KCMF1: variants seen among roughly 807,000 people sequenced by gnomAD.
KCMF1 encodes the protein potassium channel modulatory factor 1.
A neutral mutation model predicts 41.1 loss-of-function variants in KCMF1; 3 were observed. The ratio of observed to expected loss-of-function variants is 0.07; its 90% CI spans 0.03 to 0.19. KCMF1 has a LOEUF of 0.19. Among genes scored for constraint, KCMF1 ranks in the 10% least tolerant of loss-of-function variants. The pLI, the probability that KCMF1 is intolerant of heterozygous loss-of-function variation, is 1.00. For synonymous variants in KCMF1, 142 were observed against 164.5 expected (o/e 0.86, Z 1.04); for missense variants, 286 against 488.9 (o/e 0.58, Z 3.91).
intron 3 of KCMF1, among the ~76,000 whole-genome samples, chr2:85,039,597 G>T (rs1675476727): frequency 6.6e-6 from 1 of 152,056 alleles, no homozygotes; most frequent in South Asian, 2.1e-4. Context: ...CTGGTTGCTG[G>T]CTGGTAGTCA....
intron 1 of KCMF1, among the ~76,000 whole-genome samples, chr2:84,996,489 G>A (rs1674179145): frequency 7.2e-6 from 1 of 139,656 alleles, no homozygotes; most frequent in Non-Finnish European, 1.5e-5. Context: ...AGGCTGGAGT[G>A]CAGTGGTGCA....
At chr2:85,003,730 C>T (rs755215789) in intron 1 of KCMF1, among the ~76,000 whole-genome samples, 1 of 152,060 alleles carries the variant, frequency 6.6e-6, no homozygotes, top group Admixed American at 6.6e-5. Context: ...AGCTACCACA[C>T]CTGGCCTACT....
chr2:85,038,057 A>G (rs1439159441), intron 3 of KCMF1, among the ~76,000 whole-genome samples: 1 of 152,246 alleles, frequency 6.6e-6, no homozygotes, highest in East Asian at 1.9e-4. Flanking sequence ...ATTTTTGTAC[A>G]AGAACCATGT....
chr2:85,046,315 G>A (rs1165970394), intron 5 of KCMF1, 37 bp downstream of exon 5: 1 of 1,551,474 alleles, frequency 6.4e-7, no homozygotes, highest in Admixed American at 1.8e-5. Context: ...AAATGGCAGG[G>A]GAAGGAGGAG....
intron 5 of KCMF1, among the ~76,000 whole-genome samples, chr2:85,048,378 G>A (rs1033172629): frequency 1.4e-4 from 21 of 152,202 alleles, no homozygotes; most frequent in South Asian, 1.2e-3. Context: ...TTCTTCATTT[G>A]ATTTTTTTTC....
chr2:85,051,986 C>G (rs1675818728), intron 6 of KCMF1, among the ~76,000 whole-genome samples: 1 of 152,172 alleles, frequency 6.6e-6, no homozygotes, highest in Admixed American at 6.5e-5. Context: ...ATTCATGTTG[C>G]CCTGCAACTG....
chr2:84,989,117 G>A (rs1040654244), intron 1 of KCMF1, among the ~76,000 whole-genome samples: 14 of 152,102 alleles, frequency 9.2e-5, no homozygotes, highest in Non-Finnish European at 1.9e-4. Context: ...TGCTTTAATC[G>A]ATTCTTCTAA....
chr2:85,048,222 G>A (rs1048274738), intron 5 of KCMF1, among the ~76,000 whole-genome samples: 3 of 152,142 alleles, frequency 2.0e-5, no homozygotes, highest in African/African-American at 7.2e-5. Flanking sequence ...ATTTGTGTGT[G>A]CAACAACAAA....
At chr2:84,980,807 A>AT (rs1673716948) in intron 1 of KCMF1, among the ~76,000 whole-genome samples, 1 of 152,028 alleles carries the variant, frequency 6.6e-6, no homozygotes, top group Non-Finnish European at 1.5e-5. Flanking sequence ...CGCCTGAATA[A>AT]TTTTTGAAAT....
intron 1 of KCMF1, among the ~76,000 whole-genome samples, chr2:85,000,018 A>C (rs1574015566): frequency 6.7e-6 from 1 of 148,928 alleles, no homozygotes; most frequent in Non-Finnish European, 1.5e-5. Flanking sequence ...GGTAGACTTC[A>C]GGGGACATTA....
intron 1 of KCMF1, among the ~76,000 whole-genome samples, chr2:85,012,018 T>C (rs1044123490): frequency 6.6e-6 from 1 of 152,206 alleles, no homozygotes; most frequent in Non-Finnish European, 1.5e-5. Context: ...GGCTTGGAGC[T>C]GAGAAACAGT....
In KCMF1 at chr2:85,050,952, T is replaced by C. The variant is rs555392637; in HGVS notation, c.884+1304T>C. Reference sequence around the variant, plus strand: ...GACCTCAGGCAAGTCATTTCACTCCTCCAAACCTCAATTTTATCATCAGTA... The same window carrying C: ...GACCTCAGGCAAGTCATTTCACTCCCCCAAACCTCAATTTTATCATCAGTA... On this transcript the variant is annotated intron_variant, in intron 6 of 6. Transcript: ENST00000409785. Among the ~76,000 whole-genome samples the C allele has an allele frequency of 2.6e-5, 4 of 152,304 alleles. No individual in the cohort carries two copies. The East Asian group carries it at 7.7e-4, about 29-fold the overall frequency.
chr2:85,019,345 T>C (rs1292979929), intron 1 of KCMF1, among the ~76,000 whole-genome samples: 1 of 152,204 alleles, frequency 6.6e-6, no homozygotes, highest in Admixed American at 6.5e-5. Context: ...GGCCTCTGTA[T>C]TGAGTGAGAG....
intron 1 of KCMF1, among the ~76,000 whole-genome samples, chr2:84,980,097 G>T (rs565337404): frequency 1.6e-4 from 25 of 151,900 alleles, no homozygotes; most frequent in African/African-American, 5.3e-4. Flanking sequence ...CCTCCCAAGT[G>T]CTGGGATTAC....
chr2:85,031,807 T>G (rs889200807), intron 2 of KCMF1, among the ~76,000 whole-genome samples: 1 of 152,252 alleles, frequency 6.6e-6, no homozygotes, highest in Non-Finnish European at 1.5e-5. Flanking sequence ...AGTGGTGCCA[T>G]CATGGCTCAT....
At chr2:84,985,569 G>A (rs1673880711) in intron 1 of KCMF1, among the ~76,000 whole-genome samples, 1 of 150,900 alleles carries the variant, frequency 6.6e-6, no homozygotes, top group Non-Finnish European at 1.5e-5. Flanking sequence ...GGTGGCTCAC[G>A]CCTCTAATCT....
At position 85,053,459 on chromosome 2, in the gene KCMF1, A is replaced by C. The variant is rs1050856866; in HGVS notation, c.*50A>C. On this transcript the variant is annotated 3_prime_UTR_variant, in exon 7 of 7. Coordinates refer to ENST00000409785, the MANE Select transcript of KCMF1 (RefSeq NM_020122.5). ...TCCTCTGTGCTGTATTTGCCAATGA[A>C]AGTGGACAACAACTATCTTGGGTTT... 6.5e-7 allele frequency: 1 copy of C among 1,539,482 alleles called. No individual in the cohort carries two copies. Among genetic ancestry groups the C allele is most frequent in the African/African-American group, 1.4e-5 (1 of 72,696 alleles).
rs976578467 is a variant in KCMF1 at position 84,983,537 on chromosome 2, C to T, written c.16+12070C>T. Among the ~76,000 whole-genome samples, 3 of 151,984 alleles carry T rather than the reference C, an allele frequency of 2.0e-5. 1 individual carries two copies. Among genetic ancestry groups the T allele is most frequent in the Non-Finnish European group, 4.4e-5 (3 of 67,990 alleles). ...TGCTTGTTTGTTTGAGATAGAATTT[C>T]GTTCTTGTAGCCCAGGCTGGAGTAA... On this transcript the variant is annotated intron_variant, in intron 1 of 6. Coordinates refer to ENST00000409785, the MANE Select transcript of KCMF1 (RefSeq NM_020122.5).
intron 1 of KCMF1, among the ~76,000 whole-genome samples, chr2:84,998,696 G>C (rs1674236619): frequency 6.6e-6 from 1 of 150,886 alleles, no homozygotes; most frequent in Admixed American, 6.6e-5. Flanking sequence ...TCTGCCTCTT[G>C]GGTTCAAGCT....
Sources: allele counts gnomAD v4.1 joint callset (sites outside exome capture counted in the v4.1 genomes callset), GRCh38; gene constraint gnomAD v4.1.1; transcripts MANE v1.5; gene names NCBI Gene and HGNC (gene_info 2026-07-23, HGNC 2026-07-21).